The following PTBP3 variants were observed in gnomAD, a reference collection of about 807,000 sequenced individuals.
The protein encoded by PTBP3 is polypyrimidine tract-binding protein 3.
PTBP3 carries 20 observed loss-of-function variants against 58.7 expected under a neutral mutation model. That is an observed-to-expected ratio of 0.34 (90% CI 0.24 to 0.50). PTBP3 has a LOEUF of 0.50. Among genes scored for constraint, PTBP3 ranks in the 20% least tolerant of loss-of-function variants. PTBP3 has a pLI of 0.98. For synonymous variants in PTBP3, 185 were observed against 219.8 expected (o/e 0.84, Z 1.40); for missense variants, 509 against 637.2 (o/e 0.80, Z 2.17).
chr9:112,223,740 T>TAAGA lies in PTBP3; in HGVS notation c.*110_*111insTCTT. ...TTTAAAATATACTTGAATATCAAAC[T>TAAGA]CAGAGTTATTTTTGTGAAAGAGGCA... On this transcript the variant is annotated 3_prime_UTR_variant, in exon 14 of 14. Transcript: ENST00000374257. 7.8e-7 allele frequency: 1 copy of TAAGA among 1,282,688 alleles called. No homozygotes were observed. The highest frequency in any genetic ancestry group is 9.8e-7 in the Non-Finnish European group (1 of 1,023,134). The allele number at this position is 1,282,688 out of a possible 1,614,324, so 79.5% of individuals were successfully genotyped here. A position where few individuals can be genotyped will look rare whatever the true frequency, so the allele number is the denominator to read the frequency against.
intron 1 of PTBP3, among the ~76,000 whole-genome samples, chr9:112,302,582 CTTTTTTTT>C (rs369208342): frequency 3.6e-5 from 4 of 110,486 alleles, no homozygotes; most frequent in African/African-American, 6.4e-5. Flanking sequence ...TATTCTTCAT[CTTTTTTTT>C]TTTTTTTTTT....
At chr9:112,270,193 C>T (rs1054629701) in intron 3 of PTBP3, among the ~76,000 whole-genome samples, 2 of 152,314 alleles carry the variant, frequency 1.3e-5, no homozygotes, top group East Asian at 1.9e-4. Flanking sequence ...CCACCCCAGT[C>T]GGCCTCCCAG....
At chr9:112,258,180 T>C (rs944885899) in intron 5 of PTBP3, among the ~76,000 whole-genome samples, 20 of 152,196 alleles carry the variant, frequency 1.3e-4, no homozygotes, top group African/African-American at 3.6e-4. Context: ...GATTTATCTA[T>C]TGGACACTCA....
At position 112,268,148 on chromosome 9, in the gene PTBP3, A is replaced by G. The variant is rs1291066428; in HGVS notation, c.252T>C (p.Asn84=). ...ASEEAAVTMV[N]YYTPITPHLR... is the part of the protein sequence containing the mutation. The stretch of plus-strand genomic sequence containing the variant: ...GGTGAGGAGTAATAGGAGTGTAATA[A>G]TTCACCATAGTAACGGCAGCTTCCT... The change falls in exon 4 of 14, where the codon AAT becomes AAC. Residue 84 remains asparagine (N), a synonymous_variant. Coordinates refer to ENST00000374257, the MANE Select transcript of PTBP3 (RefSeq NM_001163788.4). The G allele has an allele frequency of 6.2e-7, 1 of 1,613,438 alleles. No individual in the cohort carries two copies. Among genetic ancestry groups the G allele is most frequent in the South Asian group, 1.1e-5 (1 of 90,864 alleles).
chr9:112,331,506 G>A (rs910914691), intron 1 of PTBP3, among the ~76,000 whole-genome samples: 1 of 152,174 alleles, frequency 6.6e-6, no homozygotes, highest in Non-Finnish European at 1.5e-5. Context: ...GATGTAAACT[G>A]TTTTTAAAAT....
intron 2 of PTBP3, among the ~76,000 whole-genome samples, chr9:112,279,475 TA>T (rs1827765275): frequency 6.6e-6 from 1 of 152,180 alleles, no homozygotes; most frequent in African/African-American, 2.4e-5. Context: ...ATTCATTTTT[TA>T]AAAATCAACT....
intron 1 of PTBP3, among the ~76,000 whole-genome samples, chr9:112,331,309 A>G (rs1830365933): frequency 6.6e-6 from 1 of 152,208 alleles, no homozygotes; most frequent in South Asian, 2.1e-4. Context: ...CCTTAAGACC[A>G]GGGTGTGAAA....
In PTBP3 at chr9:112,229,564, C is replaced by CAA. The variant is rs35366224; in HGVS notation, c.1055-1094_1055-1093dup. Among the ~76,000 whole-genome samples the CAA allele has an allele frequency of 7.8e-3, 1,103 of 141,470 alleles. 35 individuals are homozygous for CAA. Among genetic ancestry groups the CAA allele is most frequent in the Admixed American group, 0.059 (851 of 14,338 alleles). 92.8% of individuals were successfully genotyped at this position (141,470 alleles called of 152,430 possible). On this transcript the variant is annotated intron_variant, in intron 10 of 13. Transcript: ENST00000374257. ...TGGGCAACAGAATAAGACCCTGTCT[C>CAA]AAAAAAAAAAAAAAAAATCTTTCAA...
intron 5 of PTBP3, among the ~76,000 whole-genome samples, chr9:112,253,576 G>A (rs1028706349): frequency 1.3e-5 from 2 of 152,134 alleles, no homozygotes; most frequent in African/African-American, 4.8e-5. Flanking sequence ...GTTTTACTCT[G>A]TTGATATGGT....
At position 112,280,618 on chromosome 9, in the gene PTBP3, T is replaced by G. The variant is rs531409425; in HGVS notation, c.35-4605A>C. Among the ~76,000 whole-genome samples, 5 of 152,290 alleles carry G rather than the reference T, an allele frequency of 3.3e-5. No individual in the cohort carries two copies. In the South Asian group the frequency reaches 1.0e-3, roughly 32 times the overall value. On this transcript the variant is annotated intron_variant, in intron 2 of 13. Transcript: ENST00000374257. The stretch of plus-strand genomic sequence containing the variant: ...AGGAGTTGAATTCTTTCAAATGCCT[T>G]CTCCAGATCTCTTAAGGTGAGCAGA...
intron 7 of PTBP3, among the ~76,000 whole-genome samples, chr9:112,247,634 T>A (rs556223787): frequency 6.6e-6 from 1 of 151,950 alleles, no homozygotes; most frequent in African/African-American, 2.4e-5. Flanking sequence ...GGAGGATCGC[T>A]TGAGCCCAAG....
In PTBP3 at chr9:112,221,813, T is replaced by C. The variant is rs778968849; in HGVS notation, c.*2038A>G. 335 of 984,994 alleles carry C rather than the reference T, an allele frequency of 3.4e-4. No homozygotes were observed. Among genetic ancestry groups the C allele is most frequent in the Non-Finnish European group, 3.7e-4 (309 of 829,616 alleles). 61.0% of individuals were successfully genotyped at this position (984,994 alleles called of 1,614,324 possible). On this transcript the variant is annotated 3_prime_UTR_variant, in exon 14 of 14. Coordinates refer to ENST00000374257, the MANE Select transcript of PTBP3 (RefSeq NM_001163788.4). ...TTTTTAAACAATCTGTATCATCTCT[T>C]GCAGTCTCTATTTTTTGGTAAAATT...
At chr9:112,300,816 C>G (rs1412350467) in intron 1 of PTBP3, among the ~76,000 whole-genome samples, 1 of 151,066 alleles carries the variant, frequency 6.6e-6, no homozygotes, top group African/African-American at 2.4e-5. Flanking sequence ...GGTACAAAAA[C>G]CCGGGCACAG....
chr9:112,229,585 T>G (rs1835123718), intron 10 of PTBP3, among the ~76,000 whole-genome samples: 1 of 151,978 alleles, frequency 6.6e-6, no homozygotes, highest in Non-Finnish European at 1.5e-5. Flanking sequence ...AAAAAAATCT[T>G]TCAATAGTTA....
In PTBP3 at chr9:112,220,620, C is replaced by T. The variant is rs1834774157; in HGVS notation, c.*3231G>A. On this transcript the variant is annotated 3_prime_UTR_variant, in exon 14 of 14. Coordinates refer to ENST00000374257, the MANE Select transcript of PTBP3 (RefSeq NM_001163788.4). ...ATATTTAGTCTTAAAGAATTTATGG[C>T]ATTCTGTAAGAGCTGCTGGGTAATT... 3 of 994,110 alleles carry T rather than the reference C, an allele frequency of 3.0e-6. No individual in the cohort carries two copies. The highest frequency in any genetic ancestry group is 3.6e-6 in the Non-Finnish European group (3 of 834,730). 61.6% of individuals were successfully genotyped at this position (994,110 alleles called of 1,614,324 possible).
rs935995662 is a variant in PTBP3 at position 112,222,373 on chromosome 9, C to T, written c.*1478G>A. The T allele has an allele frequency of 2.0e-6, 2 of 985,616 alleles. No individual in the cohort carries two copies. The highest frequency in any genetic ancestry group is 2.4e-6 in the Non-Finnish European group (2 of 829,830). 61.1% of individuals were successfully genotyped at this position (985,616 alleles called of 1,614,324 possible). On this transcript the variant is annotated 3_prime_UTR_variant, in exon 14 of 14. Coordinates refer to ENST00000374257, the MANE Select transcript of PTBP3 (RefSeq NM_001163788.4). ...AACCCACCTTCTCATACTCCAAATA[C>T]GTGGGTACTCAGTAATGAAAGTCAC... is the stretch of plus-strand genomic sequence containing the variant.
chr9:112,270,951 C>T (rs1195083445), intron 3 of PTBP3, among the ~76,000 whole-genome samples: 2 of 152,020 alleles, frequency 1.3e-5, no homozygotes, highest in South Asian at 2.1e-4. Context: ...CTCAGCCTCC[C>T]GAGTAGCTGG....
intron 1 of PTBP3, among the ~76,000 whole-genome samples, chr9:112,302,449 A>AGAAATGTACAG (rs1251998871): frequency 6.6e-5 from 10 of 152,200 alleles, no homozygotes; most frequent in Non-Finnish European, 2.9e-5. Flanking sequence ...ACTGGAAAGA[A>AGAAATGTACAG]GAAATGTACA....
Position 112,268,112 on chromosome 9 carries a change from C to G in PTBP3, c.288G>C (p.Gln96His). Residue 96 changes from glutamine (Q) to histidine (H), a missense_variant, in exon 4 of 14, where the codon CAG (glutamine) becomes CAC (histidine). By Grantham distance (24) the Gln-to-His change is conservative. This residue lies in a region of PTBP3 where 212 missense variants were observed against 215.3 expected (regional missense o/e 0.98). Coordinates refer to ENST00000374257, the MANE Select transcript of PTBP3 (RefSeq NM_001163788.4). ...GATTGGAATACTGAATATAAACAGG[C>G]TGGCTTCGAAGGTGAGGAGTAATAG... ...YTPITPHLRS[Q>H]PVYIQYSNHR... The G allele has an allele frequency of 6.2e-7, 1 of 1,613,836 alleles. No homozygotes were observed. The highest frequency in any genetic ancestry group is 8.5e-7 in the Non-Finnish European group (1 of 1,179,824).
Sources: gnomAD v4.1 joint callset for allele counts (sites outside exome capture counted in the v4.1 genomes callset) on GRCh38, gnomAD v4.1.1 for gene constraint, gnomAD v4.1.1 regional missense constraint, MANE v1.5 for transcripts, NCBI Gene and HGNC (gene_info 2026-07-23, HGNC 2026-07-21) for gene names.